The following TRMT9B variants were observed in gnomAD, a reference collection of about 807,000 sequenced individuals.
TRMT9B encodes probable tRNA methyltransferase 9B.
Under a neutral mutation model 11.5 loss-of-function variants are expected in TRMT9B, and 16 were observed. That is an observed-to-expected ratio of 1.39 (90% CI 0.94 to 2.11). The LOEUF is 2.11. Among genes scored for constraint, TRMT9B ranks in the 30% most tolerant of loss-of-function variants. The pLI, the probability that TRMT9B is intolerant of heterozygous loss-of-function variation, is 0.00. For synonymous variants in TRMT9B, 274 were observed against 192.4 expected (o/e 1.42, Z -3.51); for missense variants, 941 against 553.8 (o/e 1.70, Z -7.02).
In TRMT9B at chr8:13,012,102, G is replaced by C. The variant is rs138333182; in HGVS notation, c.155-582G>C. 3.0e-6 allele frequency: 3 copies of C among 985,400 alleles called. No individual in the cohort carries two copies. In the African/African-American group the frequency reaches 5.2e-5, roughly 17 times the overall value. The allele number at this position is 985,400 out of a possible 1,614,324, so 61.0% of individuals were successfully genotyped here. A position where few individuals can be genotyped will look rare whatever the true frequency, so the allele number is the denominator to read the frequency against. On this transcript the variant is annotated intron_variant, in intron 3 of 4. Coordinates refer to ENST00000524591, the MANE Select transcript of TRMT9B (RefSeq NM_020844.3). ...GCCTTGGACCAGCTAACGTGCCTTG[G>C]TTGCGCCAGTGTACTGAGCCCTGTG...
At chr8:12,987,255 A>G (rs963015472) in intron 1 of TRMT9B, among the ~76,000 whole-genome samples, 4 of 152,204 alleles carry the variant, frequency 2.6e-5, no homozygotes, top group East Asian at 1.9e-4. Context: ...TTCCTATATT[A>G]TATAGTTATT....
intron 1 of TRMT9B, among the ~76,000 whole-genome samples, chr8:12,962,729 G>A (rs141315735): frequency 6.6e-6 from 1 of 152,130 alleles, no homozygotes; most frequent in East Asian, 1.9e-4. Flanking sequence ...GAGCTCAAGT[G>A]ATCTTCCCAC....
chr8:13,012,815 C>G lies in TRMT9B; in HGVS notation c.286C>G (p.Pro96Ala), dbSNP rs778716077. The G allele has an allele frequency of 6.2e-7, 1 of 1,613,904 alleles. No homozygotes were observed. The highest frequency in any genetic ancestry group is 8.5e-7 in the Non-Finnish European group (1 of 1,179,862). The change falls in exon 4 of 5, where the codon CCC becomes GCC. Residue 96 changes from proline (P) to alanine (A), a missense_variant. Coordinates refer to ENST00000524591, the MANE Select transcript of TRMT9B (RefSeq NM_020844.3). ...CATGGTATGTGACAACCTTAATCTC[C>G]CCTTTAGGGATGAGGGCTTCGATGC... ...EAMVCDNLNL[P>A]FRDEGFDAII...
chr8:12,977,824 G>A (rs1412334074), intron 1 of TRMT9B, among the ~76,000 whole-genome samples: 1 of 151,586 alleles, frequency 6.6e-6, no homozygotes, highest in Non-Finnish European at 1.5e-5. Context: ...AGACCAGCCT[G>A]GGCAATATAG....
chr8:12,966,150 A>ACC lies in TRMT9B; in HGVS notation c.-200+20191_-200+20192dup, dbSNP rs56878983. Among the ~76,000 whole-genome samples, 103 of 150,862 alleles carry ACC rather than the reference A, an allele frequency of 6.8e-4. 1 individual carries two copies. The highest frequency in any genetic ancestry group is 2.1e-3 in the South Asian group (10 of 4,716). Reference sequence around the variant, plus strand: ...AGACCAGCCTGGGCAACATAGTAAGACCCCCCCCATCTCTACAGAAAGTGA... The same window carrying ACC: ...AGACCAGCCTGGGCAACATAGTAAGACCCCCCCCCCATCTCTACAGAAAGTGA... On this transcript the variant is annotated intron_variant, in intron 1 of 4. Coordinates refer to ENST00000524591, the MANE Select transcript of TRMT9B (RefSeq NM_020844.3).
intron 2 of TRMT9B, among the ~76,000 whole-genome samples, chr8:13,003,771 C>A (rs1332695997): frequency 6.6e-6 from 1 of 150,570 alleles, no homozygotes; most frequent in Non-Finnish European, 1.5e-5. Flanking sequence ...ATGGTGTGTC[C>A]CCACTCCGCC....
At chr8:13,009,958 C>G (rs960184205) in intron 3 of TRMT9B, among the ~76,000 whole-genome samples, 2 of 151,950 alleles carry the variant, frequency 1.3e-5, no homozygotes, top group Admixed American at 1.3e-4. Context: ...GAAACCCCAT[C>G]TCTACAAAAA....
chr8:12,973,788 A>G lies in TRMT9B; in HGVS notation c.-199-17046A>G, dbSNP rs115143584. Among the ~76,000 whole-genome samples, 163 of 152,258 alleles carry G rather than the reference A, an allele frequency of 1.1e-3. 1 individual carries two copies. The highest frequency in any genetic ancestry group is 3.9e-3 in the African/African-American group (162 of 41,556). On this transcript the variant is annotated intron_variant, in intron 1 of 4. Transcript: ENST00000524591. ...AAAGATTCCATGAGATCCACAAAAC[A>G]CTTCATGAATGAGAACAGCCTTTAG...
In TRMT9B at chr8:13,028,880, T is replaced by A. The variant is rs897123524; in HGVS notation, c.*6836T>A. The A allele has an allele frequency of 1.2e-5, 2 of 167,070 alleles. No homozygotes were observed. The highest frequency in any genetic ancestry group is 4.8e-5 in the African/African-American group (2 of 41,458). The allele number at this position is 167,070 out of a possible 1,614,324, so 10.3% of individuals were successfully genotyped here. On this transcript the variant is annotated 3_prime_UTR_variant, in exon 5 of 5. Coordinates refer to ENST00000524591, the MANE Select transcript of TRMT9B (RefSeq NM_020844.3). ...AATGTACAAGGAGGGACTCCACTAC[T>A]AAAGTTTGTTTTACTTCTCTGGTTA...
At chr8:12,963,187 A>T (rs190112444) in intron 1 of TRMT9B, among the ~76,000 whole-genome samples, 248 of 152,314 alleles carry the variant, frequency 1.6e-3, no homozygotes, top group African/African-American at 5.6e-3. Flanking sequence ...TAATCCCAGC[A>T]CTTTGGGAGG....
intron 1 of TRMT9B, among the ~76,000 whole-genome samples, chr8:12,955,847 G>A (rs140746874): frequency 7.9e-5 from 12 of 152,194 alleles, no homozygotes; most frequent in South Asian, 4.2e-4. Flanking sequence ...GCTCCCGGGC[G>A]GCAAGCTTGA....
At chr8:13,008,208 C>T (rs761007886) in intron 3 of TRMT9B, among the ~76,000 whole-genome samples, 16 of 152,228 alleles carry the variant, frequency 1.1e-4, no homozygotes, top group Non-Finnish European at 1.5e-5. Context: ...CACACTATAA[C>T]TCTTTCGTGA....
rs33910775 is a variant in TRMT9B, at chr8:13,024,041, C to CTTTTTTTTTTTTTTTTTTT, written c.*1999_*2017dup. ...AAAATTAATTTGGTTTCTTCTATTT[C>CTTTTTTTTTTTTTTTTTTT]TTTTTTTTTTTTTTTTTTTTGAGAC... On this transcript the variant is annotated 3_prime_UTR_variant, in exon 5 of 5. Transcript: ENST00000524591. The CTTTTTTTTTTTTTTTTTTT allele has an allele frequency of 8.7e-6, 1 of 114,600 alleles. No individual in the cohort carries two copies. The highest frequency in any genetic ancestry group is 3.5e-5 in the African/African-American group (1 of 28,522). The allele number at this position is 114,600 out of a possible 1,614,324, so 7.1% of individuals were successfully genotyped here.
intron 1 of TRMT9B, among the ~76,000 whole-genome samples, chr8:12,950,874 C>T (rs556921870): frequency 6.6e-6 from 1 of 152,282 alleles, no homozygotes; most frequent in East Asian, 1.9e-4. Flanking sequence ...AACAGCTCGA[C>T]ATGAACTCTG....
intron 4 of TRMT9B, 35 bp downstream of exon 4, chr8:13,012,892 A>G (rs1352980367): frequency 1.2e-6 from 2 of 1,606,564 alleles, no homozygotes; most frequent in Non-Finnish European, 1.7e-6. Flanking sequence ...ACCCTTTGCC[A>G]TGAGAATAAT....
At chr8:12,991,760 G>A (rs1195235642) in intron 2 of TRMT9B, among the ~76,000 whole-genome samples, 3 of 151,950 alleles carry the variant, frequency 2.0e-5, no homozygotes, top group South Asian at 2.1e-4. Context: ...TGGTGACCCC[G>A]TCTCTACTAA....
chr8:12,955,126 A>G (rs1365421213), intron 1 of TRMT9B, among the ~76,000 whole-genome samples: 1 of 152,168 alleles, frequency 6.6e-6, no homozygotes, highest in Non-Finnish European at 1.5e-5. Context: ...TATTTGGGTC[A>G]CTGGTTTAAT....
intron 2 of TRMT9B, 49 bp from the exon 3 acceptor site, chr8:13,006,153 T>C (rs749480831): frequency 4.4e-6 from 7 of 1,573,968 alleles, no homozygotes; most frequent in Non-Finnish European, 6.1e-6. Context: ...CAGCCATCTA[T>C]GGTGCATAGG....
chr8:12,992,387 G>T (rs1021181338), intron 2 of TRMT9B, among the ~76,000 whole-genome samples: 2 of 152,214 alleles, frequency 1.3e-5, no homozygotes, highest in African/African-American at 2.4e-5. Context: ...GGGCACAGTG[G>T]CTCACACCTG....
Sources: gnomAD v4.1 joint callset for allele counts (sites outside exome capture counted in the v4.1 genomes callset) on GRCh38, gnomAD v4.1.1 for gene constraint, MANE v1.5 for transcripts, NCBI Gene and HGNC (gene_info 2026-07-23, HGNC 2026-07-21) for gene names.